The following MTHFS variants were observed in gnomAD, a reference collection of about 807,000 sequenced individuals.
The protein encoded by MTHFS is methenyltetrahydrofolate synthetase.
Under a neutral mutation model 12.7 loss-of-function variants are expected in MTHFS, and 7 were observed. That is an observed-to-expected ratio of 0.55 (90% confidence interval 0.31 to 1.03). MTHFS has a LOEUF of 1.03. Among genes scored for constraint, MTHFS ranks in the 50% least tolerant of loss-of-function variants. The pLI, the probability that MTHFS is intolerant of heterozygous loss-of-function variation, is 0.05. For synonymous variants in MTHFS, 100 were observed against 97.1 expected (o/e 1.03, Z -0.18); for missense variants, 252 against 258.1 (o/e 0.98, Z 0.16).
chr15:79,847,053 C>A (rs1003816310), intron 2 of MTHFS, among the ~76,000 whole-genome samples: 2 of 152,210 alleles, frequency 1.3e-5, no homozygotes, highest in Non-Finnish European at 2.9e-5. Context: ...CCAAAAGCAA[C>A]AGGGACAAAT....
At chr15:79,864,459 C>T (rs1246803890) in intron 2 of MTHFS, among the ~76,000 whole-genome samples, 4 of 143,402 alleles carry the variant, frequency 2.8e-5, no homozygotes, top group Non-Finnish European at 3.0e-5. Flanking sequence ...GCAGGAGAAT[C>T]GCTTGAACCC....
At chr15:79,858,538 C>G (rs2033852062) in intron 2 of MTHFS, among the ~76,000 whole-genome samples, 1 of 152,204 alleles carries the variant, frequency 6.6e-6, no homozygotes, top group Non-Finnish European at 1.5e-5. Context: ...AAATGAAAAA[C>G]TGACTTAGAT....
intron 2 of MTHFS, among the ~76,000 whole-genome samples, chr15:79,852,035 C>T (rs1305370176): frequency 2.0e-5 from 3 of 152,184 alleles, no homozygotes; most frequent in Admixed American, 6.5e-5. Context: ...CAAATGTCAA[C>T]TTAATCAACT....
chr15:79,862,468 T>G (rs1218162084), intron 2 of MTHFS, among the ~76,000 whole-genome samples: 3 of 152,250 alleles, frequency 2.0e-5, no homozygotes, highest in Non-Finnish European at 2.9e-5. Context: ...TGCTGATGGG[T>G]GAGCAGCAGG....
chr15:79,846,711 C>CCT lies in MTHFS; in HGVS notation c.380-1271_380-1270dup, dbSNP rs143456521. On this transcript the variant is annotated intron_variant, in intron 2 of 2. Coordinates refer to ENST00000258874, the MANE Select transcript of MTHFS (RefSeq NM_006441.4). ...TTTCTAAAAAGGTCCTGGTCACTGA[C>CCT]CTCTGTCTTTCCTCCCTGTTCCTGT... Among the ~76,000 whole-genome samples, 617 of 152,344 alleles carry CCT rather than the reference C, an allele frequency of 4.1e-3. 6 individuals are homozygous for CCT. The highest frequency in any genetic ancestry group is 0.014 in the African/African-American group (600 of 41,576).
In MTHFS at chr15:79,884,531, G is replaced by A. The variant is rs115885924; in HGVS notation, c.379+4562C>T. The stretch of plus-strand genomic sequence containing the variant: ...AACCAATTTAAAGTTTATTCCAATG[G>A]AACAGATATGAAGAATGAAAATTGT... On this transcript the variant is annotated intron_variant, in intron 2 of 2. Coordinates refer to ENST00000258874, the MANE Select transcript of MTHFS (RefSeq NM_006441.4). Among the ~76,000 whole-genome samples, 1,401 of 152,206 alleles carry A rather than the reference G, an allele frequency of 9.2e-3. 31 individuals are homozygous for A. The highest frequency in any genetic ancestry group is 0.033 in the African/African-American group (1,350 of 41,516).
rs139634133 is a variant in MTHFS, at chr15:79,881,562, G to A, written c.379+7531C>T. Among the ~76,000 whole-genome samples the A allele has an allele frequency of 2.2e-4, 32 of 144,528 alleles. No homozygotes were observed. In the East Asian group the frequency reaches 4.6e-3, roughly 21 times the overall value. The allele number at this position is 144,528 out of a possible 152,430, so 94.8% of individuals were successfully genotyped here. ...GCTGGTTCTTCCTGTGTATTTAGCC[G>A]AATACAAAATGACTGAAAAAAAAAA... On this transcript the variant is annotated intron_variant, in intron 2 of 2. Transcript: ENST00000258874.
intron 1 of MTHFS, 105 bp from the exon 2 acceptor site, chr15:79,889,459 T>TAAAAAAAA: frequency 8.1e-6 from 6 of 740,606 alleles, no homozygotes; most frequent in East Asian, 4.2e-5. Context: ...CTTTAAATAT[T>TAAAAAAAA]AAAAAGAAAA....
chr15:79,889,261 TG>T lies in MTHFS; in HGVS notation c.210del (p.Asp70GlufsTer24). 1 of 1,614,200 alleles carries T rather than the reference TG, an allele frequency of 6.2e-7. No individual in the cohort carries two copies. Among genetic ancestry groups the T allele is most frequent in the Non-Finnish European group, 8.5e-7 (1 of 1,180,022 alleles). ...AAGCAGATTTTGCCTCGTTGGAAAA[TG>T]TCCTTGATGATCTCTTCTGTCTCAA... Reference protein sequence around the residue: ...DEIETEEIIKDIFQRGKICFI... With the variant: ...DEIETEEIIKXIFQRGKICFI... On this transcript the variant is annotated frameshift_variant, in exon 2 of 3. Transcript: ENST00000258874. LOFTEE classifies it high-confidence loss of function.
intron 2 of MTHFS, among the ~76,000 whole-genome samples, chr15:79,858,029 A>C (rs982780351): frequency 6.6e-6 from 1 of 151,210 alleles, no homozygotes; most frequent in East Asian, 1.9e-4. Context: ...AAAAAAAAAA[A>C]AAAAAACATA....
chr15:79,866,346 G>A (rs2141355356), intron 2 of MTHFS, among the ~76,000 whole-genome samples: 1 of 152,250 alleles, frequency 6.6e-6, no homozygotes, highest in East Asian at 1.9e-4. Flanking sequence ...GTTACCTGAT[G>A]GAAGAGTTTG....
intron 2 of MTHFS, among the ~76,000 whole-genome samples, chr15:79,874,306 A>T (rs1424798684): frequency 6.6e-6 from 1 of 152,132 alleles, no homozygotes; most frequent in Non-Finnish European, 1.5e-5. Flanking sequence ...TGCCTTTTCA[A>T]CTTGCCCCAT....
chr15:79,889,473 A>AC, intron 1 of MTHFS, 119 bp from the exon 2 acceptor site: 1 of 1,225,212 alleles, frequency 8.2e-7, no homozygotes. Flanking sequence ...AAGAAAAAAA[A>AC]AGGGGGGGGG....
chr15:79,889,459 T>TAAA, intron 1 of MTHFS, 105 bp from the exon 2 acceptor site: 1 of 740,604 alleles, frequency 1.4e-6, no homozygotes, highest in South Asian at 1.9e-5. Context: ...CTTTAAATAT[T>TAAA]AAAAAGAAAA....
At chr15:79,876,569 C>T (rs1412341436) in intron 2 of MTHFS, 2 of 139,456 alleles carry the variant, frequency 1.4e-5, no homozygotes, top group East Asian at 2.2e-4. Context: ...GAGCCAAGAT[C>T]ATGCCACTGC....
chr15:79,861,228 T>A (rs181676954), intron 2 of MTHFS, among the ~76,000 whole-genome samples: 102 of 152,308 alleles, frequency 6.7e-4, no homozygotes, highest in Non-Finnish European at 3.2e-4. Flanking sequence ...ACTCAGCTAG[T>A]ATGCAGCAGT....
intron 1 of MTHFS, chr15:79,896,667 G>T (rs960909531): frequency 2.9e-5 from 26 of 897,300 alleles, no homozygotes; most frequent in African/African-American, 5.3e-5. Context: ...TTCACTACCG[G>T]GCCCTCTCCC....
intron 1 of MTHFS, among the ~76,000 whole-genome samples, chr15:79,891,963 CAAAAAAAAAAAA>C (rs57309663): frequency 8.3e-5 from 7 of 84,290 alleles, no homozygotes; most frequent in African/African-American, 3.0e-4. Context: ...AACTCCATCT[CAAAAAAAAAAAA>C]AAAAAAAAAA....
At chr15:79,894,091 T>G (rs2034522918) in intron 1 of MTHFS, among the ~76,000 whole-genome samples, 1 of 151,976 alleles carries the variant, frequency 6.6e-6, no homozygotes, top group Non-Finnish European at 1.5e-5. Context: ...GAATAGAAAA[T>G]ATTAAAGTTC....
Sources: gnomAD v4.1 joint callset for allele counts (sites outside exome capture counted in the v4.1 genomes callset) on GRCh38, gnomAD v4.1.1 for gene constraint, MANE v1.5 for transcripts, NCBI Gene and HGNC (gene_info 2026-07-23, HGNC 2026-07-21) for gene names.